The following ARNT variants were observed in gnomAD, a reference collection of about 807,000 sequenced individuals.
The protein encoded by ARNT is aryl hydrocarbon receptor nuclear translocator.
A neutral mutation model predicts 105.0 loss-of-function variants in ARNT; 30 were observed. The ratio of observed to expected loss-of-function variants is 0.29; its 90% CI spans 0.21 to 0.39. ARNT has a LOEUF of 0.39. Ranked by LOEUF, ARNT falls within the 10% of genes least tolerant of loss-of-function variation. The pLI, the probability that ARNT is intolerant of heterozygous loss-of-function variation, is 1.00. For missense variants in ARNT, 748 were observed against 978.7 expected (o/e 0.76, Z 3.15); for synonymous variants, 304 against 344.0 (o/e 0.88, Z 1.29).
intron 1 of ARNT, among the ~76,000 whole-genome samples, chr1:150,861,919 G>A (rs1236192246): frequency 6.6e-6 from 1 of 152,158 alleles, no homozygotes; most frequent in Non-Finnish European, 1.5e-5. Context: ...TTTGCCCACT[G>A]CAGGCTAATG....
chr1:150,832,457 C>A (rs1659520449), intron 8 of ARNT, 58 bp from the exon 9 acceptor site: 11 of 1,505,424 alleles, frequency 7.3e-6, no homozygotes, highest in Non-Finnish European at 1.0e-5. Context: ...AAGAACTTTC[C>A]ACAGTAATAG....
At chr1:150,857,489 G>A (rs889234293) in intron 2 of ARNT, among the ~76,000 whole-genome samples, 5 of 152,004 alleles carry the variant, frequency 3.3e-5, no homozygotes, top group Non-Finnish European at 7.4e-5. Context: ...GTCTTAATAT[G>A]TTACTCATGT....
chr1:150,861,586 G>A (rs909791985), intron 1 of ARNT, among the ~76,000 whole-genome samples: 1 of 152,084 alleles, frequency 6.6e-6, no homozygotes, highest in Non-Finnish European at 1.5e-5. Context: ...GAGGGAGGAG[G>A]ATCATTTGAG....
rs587709660 is a variant in ARNT at position 150,851,264 on chromosome 1, C to T, written c.182+1498G>A. 6.6e-5 allele frequency among the ~76,000 whole-genome samples: 10 copies of T among 150,534 alleles called. No individual in the cohort carries two copies. In the South Asian group the frequency reaches 1.9e-3, roughly 28 times the overall value. ...GGTGGGGGCGCCTCCGCCCAGCCGCCGCCCCGTCCGGGAGGTGGGGGGCGC... is the reference window on the plus strand; with the variant it reads ...GGTGGGGGCGCCTCCGCCCAGCCGCTGCCCCGTCCGGGAGGTGGGGGGCGC... On this transcript the variant is annotated intron_variant, in intron 3 of 21. Transcript: ENST00000358595.
At chr1:150,863,383 A>T (rs587737893) in intron 1 of ARNT, among the ~76,000 whole-genome samples, 1 of 152,162 alleles carries the variant, frequency 6.6e-6, no homozygotes, top group African/African-American at 2.4e-5. Flanking sequence ...TGCCAGGTAA[A>T]TTCAGAGAAG....
chr1:150,816,150 G>C (rs1006699146), intron 19 of ARNT, 109 bp downstream of exon 19: 66 of 1,352,960 alleles, frequency 4.9e-5, no homozygotes, highest in African/African-American at 6.1e-5. Context: ...CCGGAGAACA[G>C]GGGTTGGGGA....
intron 2 of ARNT, among the ~76,000 whole-genome samples, chr1:150,854,006 C>T (rs587747996): frequency 3.9e-5 from 6 of 152,286 alleles, no homozygotes; most frequent in East Asian, 1.9e-4. Context: ...CTTCCTCCTT[C>T]CTGAATCCCC....
chr1:150,855,668 G>A (rs937816313), intron 2 of ARNT, among the ~76,000 whole-genome samples: 3 of 151,796 alleles, frequency 2.0e-5, no homozygotes, highest in African/African-American at 7.3e-5. Flanking sequence ...TTAGGACGTC[G>A]AGATGGGAGG....
chr1:150,852,412 C>G (rs1453994658), intron 3 of ARNT, among the ~76,000 whole-genome samples: 1 of 152,176 alleles, frequency 6.6e-6, no homozygotes, highest in Admixed American at 6.5e-5. Context: ...CAGTTCTCAG[C>G]TGACCAGCTG....
chr1:150,850,289 G>GTCTCCC (rs1167345736), intron 3 of ARNT, among the ~76,000 whole-genome samples: 13 of 151,590 alleles, frequency 8.6e-5, no homozygotes, highest in Non-Finnish European at 1.8e-4. Context: ...TCTCCCCACG[G>GTCTCCC]TCTCCCTCTC....
At chr1:150,822,872 G>A (rs1014364572) in intron 14 of ARNT, among the ~76,000 whole-genome samples, 4 of 152,146 alleles carry the variant, frequency 2.6e-5, no homozygotes, top group African/African-American at 9.7e-5. Context: ...TGAATTGAAT[G>A]GAAGGACACC....
chr1:150,811,449 C>G lies in ARNT; in HGVS notation c.*572G>C, dbSNP rs1014312930. The G allele has an allele frequency of 1.0e-5, 2 of 198,412 alleles. No homozygotes were observed. Among genetic ancestry groups the G allele is most frequent in the Non-Finnish European group, 9.4e-6 (1 of 106,670 alleles). 12.3% of individuals were successfully genotyped at this position (198,412 alleles called of 1,614,324 possible). A position where few individuals can be genotyped will look rare whatever the true frequency, so the allele number is the denominator to read the frequency against. ...AGGGAGAAAGAGTGAAATACAGAAGCATGTGTGCGCACACACACACACACA... is the reference window on the plus strand; with the variant it reads ...AGGGAGAAAGAGTGAAATACAGAAGGATGTGTGCGCACACACACACACACA... On this transcript the variant is annotated 3_prime_UTR_variant, in exon 22 of 22. Coordinates refer to ENST00000358595, the MANE Select transcript of ARNT (RefSeq NM_001668.4).
intron 15 of ARNT, among the ~76,000 whole-genome samples, 154 bp downstream of exon 15, chr1:150,817,766 G>C (rs142676925): frequency 2.1e-3 from 306 of 147,178 alleles, no homozygotes; most frequent in African/African-American, 7.4e-3. Context: ...CCTAGATCGT[G>C]CCATTGTATT....
chr1:150,859,510 G>A (rs1239650614), intron 1 of ARNT, among the ~76,000 whole-genome samples: 2 of 151,280 alleles, frequency 1.3e-5, no homozygotes, highest in Non-Finnish European at 2.9e-5. Flanking sequence ...CCACACCTCG[G>A]TGATTTTTTT....
At chr1:150,827,920 A>G (rs1290752863) in intron 12 of ARNT, among the ~76,000 whole-genome samples, 2 of 152,322 alleles carry the variant, frequency 1.3e-5, no homozygotes, top group East Asian at 3.9e-4. Context: ...AATGGTAAAA[A>G]GATGTTGAGC....
intron 1 of ARNT, among the ~76,000 whole-genome samples, chr1:150,872,963 T>C (rs587683289): frequency 1.3e-5 from 2 of 150,960 alleles, no homozygotes; most frequent in Admixed American, 6.6e-5. Flanking sequence ...CCCTCTCCTA[T>C]GGGGAAAAAA....
chr1:150,852,850 C>G (rs750177207), intron 2 of ARNT, 44 bp from the exon 3 acceptor site: 1 of 1,609,214 alleles, frequency 6.2e-7, no homozygotes, highest in East Asian at 2.2e-5. Context: ...GCTGATAATA[C>G]AAAACATTAA....
intron 19 of ARNT, among the ~76,000 whole-genome samples, chr1:150,815,317 G>A (rs1343368691): frequency 1.3e-5 from 2 of 152,052 alleles, no homozygotes; most frequent in African/African-American, 4.8e-5. Flanking sequence ...GGGAGGCCGA[G>A]GAGGGCGGAT....
chr1:150,864,636 T>G, intron 1 of ARNT, among the ~76,000 whole-genome samples: 1 of 130,308 alleles, frequency 7.7e-6, no homozygotes, highest in Non-Finnish European at 1.6e-5. Context: ...GGGGGAGGGA[T>G]AGCATTGGGA....
Sources: gnomAD v4.1 joint callset for allele counts (sites outside exome capture counted in the v4.1 genomes callset) on GRCh38, gnomAD v4.1.1 for gene constraint, MANE v1.5 for transcripts, NCBI Gene and HGNC (gene_info 2026-07-23, HGNC 2026-07-21) for gene names.